The following PCDH15 variants were observed in gnomAD, a reference collection of about 807,000 sequenced individuals.
The protein encoded by PCDH15 is protocadherin related 15, also known as protocadherin-15.
A neutral mutation model predicts 178.5 loss-of-function variants in PCDH15; 129 were observed. That is an observed-to-expected ratio of 0.72 (90% CI 0.63 to 0.84). The LOEUF (loss-of-function observed/expected upper bound fraction) is 0.84. PCDH15 is among the 40% of genes least tolerant of loss of function. The pLI, the probability that PCDH15 is intolerant of heterozygous loss-of-function variation, is 0.00. For missense variants in PCDH15, 2,230 were observed against 2,099.9 expected (o/e 1.06, Z -1.21); for synonymous variants, 800 against 732.0 (o/e 1.09, Z -1.50).
At position 54,428,391 on chromosome 10, in the gene PCDH15, T is replaced by C. The variant is rs572132706; in HGVS notation, c.158-49449A>G. On this transcript the variant is annotated intron_variant, in intron 3 of 37. Transcript: ENST00000644397. ...CATGCCCAGTTGAATTTACATTGTT[T>C]AGTATGAGTATGTCCCATGAAATAT... 2.6e-5 allele frequency among the ~76,000 whole-genome samples: 4 copies of C among 152,332 alleles called. No individual in the cohort carries two copies. In the South Asian group the frequency reaches 8.3e-4, roughly 32 times the overall value.
At chr10:54,650,858 C>T (rs2135187727) in intron 2 of PCDH15, among the ~76,000 whole-genome samples, 1 of 152,220 alleles carries the variant, frequency 6.6e-6, no homozygotes, top group East Asian at 1.9e-4. Flanking sequence ...CCAGTTCCCT[C>T]CTAGAGCACA....
At chr10:55,048,296 G>A (rs1258037865) in intron 2 of PCDH15, among the ~76,000 whole-genome samples, 1 of 151,638 alleles carries the variant, frequency 6.6e-6, no homozygotes. Context: ...ATTTTCTAAA[G>A]GAGAGTCGCT....
At chr10:54,750,083 G>A (rs373599208) in intron 1 of PCDH15, among the ~76,000 whole-genome samples, 11 of 151,840 alleles carry the variant, frequency 7.2e-5, no homozygotes, top group Admixed American at 6.6e-4. Flanking sequence ...TACATGAAGC[G>A]CCCTTGCTCT....
chr10:53,806,485 T>A lies in PCDH15; in HGVS notation c.*94A>T, dbSNP rs1240594051. On this transcript the variant is annotated 3_prime_UTR_variant, in exon 38 of 38. Transcript: ENST00000644397. ...AAAGTTTTAGCTTGTGTGCATGATA[T>A]AAATTCCATACATTGTTTTCTCAGT... 1.8e-6 allele frequency: 2 copies of A among 1,115,438 alleles called. No homozygotes were observed. Among genetic ancestry groups the A allele is most frequent in the Non-Finnish European group, 2.5e-6 (2 of 795,208 alleles). The allele number at this position is 1,115,438 out of a possible 1,614,324, so 69.1% of individuals were successfully genotyped here.
At chr10:54,560,113 A>T (rs577536127) in intron 2 of PCDH15, among the ~76,000 whole-genome samples, 17 of 152,196 alleles carry the variant, frequency 1.1e-4, no homozygotes, top group African/African-American at 4.1e-4. Context: ...CTGATTCATC[A>T]TGTGAACCTG....
chr10:54,781,720 T>C (rs1950381339), intron 1 of PCDH15, among the ~76,000 whole-genome samples: 1 of 152,188 alleles, frequency 6.6e-6, no homozygotes, highest in African/African-American at 2.4e-5. Flanking sequence ...ATCTTTTTTC[T>C]TTTCCCTGGA....
intron 2 of PCDH15, among the ~76,000 whole-genome samples, chr10:55,618,891 G>A (rs960670292): frequency 1.3e-5 from 2 of 152,034 alleles, no homozygotes; most frequent in African/African-American, 4.8e-5. Flanking sequence ...GGCAGATAAA[G>A]AGAATGTGCT....
chr10:54,576,336 C>A (rs911239776), intron 2 of PCDH15, among the ~76,000 whole-genome samples: 1 of 152,156 alleles, frequency 6.6e-6, no homozygotes, highest in Non-Finnish European at 1.5e-5. Context: ...TAAGACCAGA[C>A]TTGGAGAAAT....
chr10:55,221,577 T>A (rs1840876695), intron 1 of PCDH15, among the ~76,000 whole-genome samples: 1 of 152,048 alleles, frequency 6.6e-6, no homozygotes, highest in South Asian at 2.1e-4. Context: ...GTATTTGACC[T>A]ACTGTAAATT....
chr10:55,093,560 A>G (rs1842370116), intron 2 of PCDH15, among the ~76,000 whole-genome samples: 2 of 44,212 alleles, frequency 4.5e-5, no homozygotes, highest in Non-Finnish European at 8.3e-5. Flanking sequence ...GCCCATGCCT[A>G]TGTCCTGAAT....
intron 2 of PCDH15, among the ~76,000 whole-genome samples, chr10:55,024,689 G>T (rs1170654746): frequency 6.6e-6 from 1 of 152,020 alleles, no homozygotes; most frequent in Non-Finnish European, 1.5e-5. Flanking sequence ...AGAAATCTAA[G>T]AATTATCCTT....
At chr10:53,908,138 G>C (rs564623360) in intron 25 of PCDH15, among the ~76,000 whole-genome samples, 1 of 152,138 alleles carries the variant, frequency 6.6e-6, no homozygotes. Context: ...GCCATTTTTG[G>C]TAGTCACAAC....
At position 54,030,418 on chromosome 10, in the gene PCDH15, T is replaced by C. The variant is rs150435083; in HGVS notation, c.2221-7221A>G. ...AGCTGAGCTATTTCAAGGGCTGTGA[T>C]TATTAGTGTAAAAGGAGACAAGCAA... On this transcript the variant is annotated intron_variant, in intron 18 of 37. Coordinates refer to ENST00000644397, the MANE Select transcript of PCDH15 (RefSeq NM_001384140.1). 9.9e-5 allele frequency among the ~76,000 whole-genome samples: 15 copies of C among 151,788 alleles called. No individual in the cohort carries two copies. In the East Asian group the frequency reaches 2.7e-3, roughly 27 times the overall value.
rs779661342 is a variant in PCDH15 at position 53,995,653 on chromosome 10, G to A, written c.2864C>T (p.Pro955Leu). 6.2e-7 allele frequency: 1 copy of A among 1,613,878 alleles called. No homozygotes were observed. Residue 955 changes from proline (P) to leucine (L), a missense_variant, in exon 21 of 38, where the codon CCT (proline) becomes CTT (leucine). Pro to Leu is a moderately conservative substitution (Grantham distance 98). Transcript: ENST00000644397. ...ITTVYAEDAD[P>L]PGLPASRVRY... Reference sequence around the variant, plus strand: ...TAATCAATGCCTTCTACTTACAGGAGGGTCTGCATCTTCAGCATAAACTGT... The same window carrying A: ...TAATCAATGCCTTCTACTTACAGGAAGGTCTGCATCTTCAGCATAAACTGT...
At chr10:53,879,593 A>G (rs538696536) in intron 26 of PCDH15, among the ~76,000 whole-genome samples, 32 of 152,362 alleles carry the variant, frequency 2.1e-4, no homozygotes, top group South Asian at 1.9e-3. Flanking sequence ...TAATTTAAGT[A>G]TAGGCATTTT....
At chr10:55,055,515 G>C (rs1841275248) in intron 2 of PCDH15, among the ~76,000 whole-genome samples, 1 of 152,024 alleles carries the variant, frequency 6.6e-6, no homozygotes, top group Admixed American at 6.6e-5. Flanking sequence ...CGTGAAAACA[G>C]GGTGAGGTTG....
At chr10:54,125,865 A>G (rs1414032793) in intron 15 of PCDH15, among the ~76,000 whole-genome samples, 2 of 152,088 alleles carry the variant, frequency 1.3e-5, no homozygotes. Context: ...TTAAATTGCA[A>G]TTGACCCTTT....
chr10:55,116,199 AGGTAAATAACTAAT>A (rs1490491645), intron 2 of PCDH15, among the ~76,000 whole-genome samples: 1 of 152,206 alleles, frequency 6.6e-6, no homozygotes, highest in Non-Finnish European at 1.5e-5. Flanking sequence ...TAAGACGTGC[AGGTAAATAACTAAT>A]GGCTTATATA....
intron 20 of PCDH15, among the ~76,000 whole-genome samples, chr10:54,019,341 T>C (rs1029375495): frequency 9.9e-5 from 15 of 152,234 alleles, no homozygotes; most frequent in African/African-American, 3.6e-4. Context: ...TGTATATGTA[T>C]CTTTGTAATT....
Sources: allele counts gnomAD v4.1 joint callset (sites outside exome capture counted in the v4.1 genomes callset), GRCh38; gene constraint gnomAD v4.1.1; transcripts MANE v1.5; gene names NCBI Gene and HGNC (gene_info 2026-07-23, HGNC 2026-07-21).